MAGI3: variants seen among roughly 807,000 people sequenced by gnomAD.
MAGI3 encodes the protein membrane-associated guanylate kinase, WW and PDZ domain-containing protein 3.
MAGI3 carries 43 observed loss-of-function variants against 121.8 expected under a neutral mutation model. The ratio of observed to expected loss-of-function variants is 0.35; its 90% CI spans 0.28 to 0.46. The LOEUF is 0.46. MAGI3 is among the 20% of genes least tolerant of loss of function. The pLI is 1.00. For missense variants in MAGI3, 1,547 were observed against 1,797.3 expected (o/e 0.86, Z 2.52); for synonymous variants, 553 against 639.3 (o/e 0.86, Z 2.04).
chr1:113,585,237 G>A lies in MAGI3; in HGVS notation c.554-150G>A, dbSNP rs139065878. ...CCCATCTCGACCTCCCAAAGTGCTG[G>A]GATTACAAGTGTGAGCCACCATGCC... On this transcript the variant is annotated intron_variant, in intron 3 of 20. Coordinates refer to ENST00000307546, the MANE Select transcript of MAGI3 (RefSeq NM_001142782.2). 1,740 of 681,998 alleles carry A rather than the reference G, an allele frequency of 2.6e-3. 25 individuals carry two copies. The African/African-American group carries it at 0.027, about 10-fold the overall frequency. 42.2% of individuals were successfully genotyped at this position (681,998 alleles called of 1,614,324 possible). A position where few individuals can be genotyped will look rare whatever the true frequency, so the allele number is the denominator to read the frequency against.
At chr1:113,533,909 A>G (rs1035060296) in intron 1 of MAGI3, among the ~76,000 whole-genome samples, 2 of 151,332 alleles carry the variant, frequency 1.3e-5, no homozygotes, top group Admixed American at 6.6e-5. Flanking sequence ...TCTCATTTCA[A>G]TGTAATTTCT....
rs1325598515 is a variant in MAGI3, at chr1:113,466,481, C to T, written c.316+75132C>T. On this transcript the variant is annotated intron_variant, in intron 1 of 20. Transcript: ENST00000307546. The stretch of plus-strand genomic sequence containing the variant: ...TTGTGTCCTTATCTGTTTTTGGTAT[C>T]AGGGTAATGCTGGCCTCATAAAAGG... Among the ~76,000 whole-genome samples, 3 of 152,016 alleles carry T rather than the reference C, an allele frequency of 2.0e-5. No homozygotes were observed. In the South Asian group the frequency reaches 6.2e-4, roughly 32 times the overall value.
At chr1:113,618,931 A>G (rs1650653399) in intron 7 of MAGI3, among the ~76,000 whole-genome samples, 1 of 152,254 alleles carries the variant, frequency 6.6e-6, no homozygotes. Flanking sequence ...TCTTTTTTAC[A>G]GCATTTCCTT....
At chr1:113,439,776 A>T (rs898957933) in intron 1 of MAGI3, among the ~76,000 whole-genome samples, 1 of 152,230 alleles carries the variant, frequency 6.6e-6, no homozygotes, top group African/African-American at 2.4e-5. Flanking sequence ...TTGTAAGAAC[A>T]TACTATCATA....
At chr1:113,492,133 A>T (rs941742500) in intron 1 of MAGI3, among the ~76,000 whole-genome samples, 1 of 152,238 alleles carries the variant, frequency 6.6e-6, no homozygotes, top group African/African-American at 2.4e-5. Context: ...AATACTGGCA[A>T]ATCAAATCCA....
chr1:113,611,268 G>A (rs558166903), intron 6 of MAGI3, among the ~76,000 whole-genome samples: 163 of 151,970 alleles, frequency 1.1e-3, no homozygotes, highest in Non-Finnish European at 1.8e-3. Flanking sequence ...TGTATTTTTA[G>A]TAGAGATAGG....
intron 2 of MAGI3, among the ~76,000 whole-genome samples, chr1:113,577,401 G>A (rs1557832751): frequency 6.6e-6 from 1 of 152,082 alleles, no homozygotes; most frequent in Non-Finnish European, 1.5e-5. Context: ...GAGGAGAATT[G>A]GAGACTGTGT....
chr1:113,461,919 C>T (rs1264945849), intron 1 of MAGI3, among the ~76,000 whole-genome samples: 1 of 152,104 alleles, frequency 6.6e-6, no homozygotes, highest in Admixed American at 6.6e-5. Context: ...CATGAACAGA[C>T]ACTTCCCAAA....
intron 1 of MAGI3, among the ~76,000 whole-genome samples, chr1:113,508,698 A>G (rs1198537434): frequency 2.0e-5 from 3 of 152,192 alleles, no homozygotes; most frequent in Admixed American, 6.5e-5. Context: ...AAATGTACCT[A>G]TAGACATTTT....
chr1:113,662,312 T>G (rs1244997472), intron 16 of MAGI3, among the ~76,000 whole-genome samples: 1 of 152,220 alleles, frequency 6.6e-6, no homozygotes, highest in Non-Finnish European at 1.5e-5. Flanking sequence ...TAGCCAGGAC[T>G]TGAGACTGTT....
intron 2 of MAGI3, among the ~76,000 whole-genome samples, chr1:113,564,999 G>A (rs1045515634): frequency 8.6e-5 from 13 of 151,860 alleles, no homozygotes; most frequent in African/African-American, 2.7e-4. Flanking sequence ...ACAGGTGTGC[G>A]CCACCATGCC....
At chr1:113,438,364 T>G (rs969203965) in intron 1 of MAGI3, among the ~76,000 whole-genome samples, 2 of 152,308 alleles carry the variant, frequency 1.3e-5, no homozygotes, top group South Asian at 4.2e-4. Context: ...AGAACACGTT[T>G]CTGTTCACAT....
intron 2 of MAGI3, among the ~76,000 whole-genome samples, chr1:113,551,914 G>A (rs1049902490): frequency 7.9e-5 from 12 of 151,604 alleles, no homozygotes; most frequent in African/African-American, 2.9e-4. Context: ...TCTCTACTAT[G>A]AGTAATATTA....
intron 1 of MAGI3, among the ~76,000 whole-genome samples, chr1:113,493,062 A>G (rs1656744557): frequency 6.6e-6 from 1 of 152,200 alleles, no homozygotes; most frequent in African/African-American, 2.4e-5. Context: ...TATGGAACCA[A>G]AAAAGAGCCC....
chr1:113,439,278 T>C (rs916075585), intron 1 of MAGI3, among the ~76,000 whole-genome samples: 1 of 152,204 alleles, frequency 6.6e-6, no homozygotes, highest in African/African-American at 2.4e-5. Flanking sequence ...CCATTTAATA[T>C]TTTTGGACCA....
At chr1:113,530,622 TAGAAA>T (rs995434139) in intron 1 of MAGI3, among the ~76,000 whole-genome samples, 2 of 151,026 alleles carry the variant, frequency 1.3e-5, no homozygotes, top group African/African-American at 4.9e-5. Context: ...AAAGACAACT[TAGAAA>T]AGAGAAACAA....
chr1:113,676,356 A>G (rs1647865341), intron 19 of MAGI3, among the ~76,000 whole-genome samples: 1 of 152,172 alleles, frequency 6.6e-6, no homozygotes, highest in Non-Finnish European at 1.5e-5. Flanking sequence ...ACTTGAGCCC[A>G]GGAGTTCAAG....
intron 1 of MAGI3, among the ~76,000 whole-genome samples, chr1:113,468,502 C>A (rs1443408788): frequency 1.3e-5 from 2 of 152,052 alleles, no homozygotes; most frequent in Non-Finnish European, 2.9e-5. Context: ...ATGTAAGTAG[C>A]CACACGTGAT....
chr1:113,659,020 A>G, intron 15 of MAGI3, 60 bp from the exon 16 acceptor site: 1 of 1,338,590 alleles, frequency 7.5e-7, no homozygotes, highest in Non-Finnish European at 1.0e-6. Flanking sequence ...CGTTGATTAT[A>G]AATCTAACAC....
Sources: gnomAD v4.1 joint callset for allele counts (sites outside exome capture counted in the v4.1 genomes callset) on GRCh38, gnomAD v4.1.1 for gene constraint, MANE v1.5 for transcripts, NCBI Gene and HGNC (gene_info 2026-07-23, HGNC 2026-07-21) for gene names.